The following CACNA1I variants were observed in gnomAD, a reference collection of about 807,000 sequenced individuals.
CACNA1I encodes the protein calcium voltage-gated channel subunit alpha1 I, also known as voltage-dependent T-type calcium channel subunit alpha-1I.
In CACNA1I, 74 loss-of-function variants were observed where a neutral mutation model predicts 201.6. The observed-to-expected ratio is 0.37, with a 90% confidence interval of 0.30 to 0.45. The LOEUF (loss-of-function observed/expected upper bound fraction) is 0.45. CACNA1I is among the 20% of genes least tolerant of loss of function. The pLI, the probability that CACNA1I is intolerant of heterozygous loss-of-function variation, is 1.00. For missense variants in CACNA1I, 2,346 were observed against 3,138.1 expected (o/e 0.75, Z 6.03); for synonymous variants, 1,431 against 1,345.2 (o/e 1.06, Z -1.40).
intron 1 of CACNA1I, among the ~76,000 whole-genome samples, chr22:39,581,376 A>C (rs926287137): frequency 1.3e-5 from 2 of 152,204 alleles, no homozygotes; most frequent in Non-Finnish European, 2.9e-5. Context: ...TTTGGGGTCC[A>C]GATTCTGGAG....
chr22:39,576,674 G>T (rs1365445907), intron 1 of CACNA1I, among the ~76,000 whole-genome samples: 1 of 152,248 alleles, frequency 6.6e-6, no homozygotes, highest in Non-Finnish European at 1.5e-5. Context: ...CAGCCTGCGG[G>T]GAGGCAGGAG....
intron 3 of CACNA1I, among the ~76,000 whole-genome samples, chr22:39,602,582 T>C (rs1444796336): frequency 6.6e-6 from 1 of 152,036 alleles, no homozygotes; most frequent in Non-Finnish European, 1.5e-5. Flanking sequence ...GGTGTTTGGA[T>C]AGTGTCATTT....
At position 39,634,624 on chromosome 22, in the gene CACNA1I, C is replaced by G. The variant is rs766779486; in HGVS notation, c.640C>G (p.Leu214Val). The change falls in exon 5 of 37, where the codon CTG (leucine) becomes GTG (valine). Residue 214 changes from leucine (L) to valine (V), a missense_variant. Physicochemically the swap from Leu to Val is conservative, Grantham distance 32. Transcript: ENST00000402142. ...ACTGCCCATGCTGGGGAATGTCCTG[C>G]TGCTCTGCTTCTTTGTCTTCTTCAT... ...DTLPMLGNVL[L>V]LCFFVFFIFG... 1 of 1,613,850 alleles carries G rather than the reference C, an allele frequency of 6.2e-7. No homozygotes were observed. Among genetic ancestry groups the G allele is most frequent in the African/African-American group, 1.3e-5 (1 of 74,920 alleles).
At chr22:39,591,336 AT>A (rs1319436182) in intron 1 of CACNA1I, among the ~76,000 whole-genome samples, 2 of 144,876 alleles carry the variant, frequency 1.4e-5, no homozygotes, top group Non-Finnish European at 3.0e-5. Flanking sequence ...TAATTTTTGT[AT>A]TTTTAGTAGA....
chr22:39,626,526 G>A (rs1933904694), intron 4 of CACNA1I, among the ~76,000 whole-genome samples: 1 of 152,224 alleles, frequency 6.6e-6, no homozygotes, highest in African/African-American at 2.4e-5. Context: ...GGGTGGGCAG[G>A]GGACTGCGTG....
Position 39,668,279 on chromosome 22 carries a change from C to A in CACNA1I, c.4105-13C>A, listed in dbSNP as rs187850222. 1 of 1,587,208 alleles carries A rather than the reference C, an allele frequency of 6.3e-7. No homozygotes were observed. The highest frequency in any genetic ancestry group is 1.1e-5 in the South Asian group (1 of 90,398). The stretch of plus-strand genomic sequence containing the variant: ...GTCCTCACCCCTGCATTCCGCCTCC[C>A]CATGTCTCCCAGGCTCTGATGTCCC... On this transcript the variant is annotated splice_polypyrimidine_tract_variant and intron_variant, in intron 23 of 36. Transcript: ENST00000402142.
chr22:39,590,410 C>A (rs1168181267), intron 1 of CACNA1I, among the ~76,000 whole-genome samples: 1 of 152,226 alleles, frequency 6.6e-6, no homozygotes, highest in Non-Finnish European at 1.5e-5. Flanking sequence ...CTCTTCCTGA[C>A]CCCACTGCAT....
chr22:39,592,245 G>A (rs188231512), intron 1 of CACNA1I, among the ~76,000 whole-genome samples: 18 of 152,348 alleles, frequency 1.2e-4, no homozygotes, highest in Non-Finnish European at 1.0e-4. Context: ...CCTCAAAGGC[G>A]CTCAGGGCTG....
At position 39,585,814 on chromosome 22, in the gene CACNA1I, TCAGCCTCCC is replaced by T. The variant is rs1259673847; in HGVS notation, c.237-12333_237-12325del. On this transcript the variant is annotated intron_variant, in intron 1 of 36. Transcript: ENST00000402142. ...TCTGGGCTCAAGTGATCCACCAGCC[TCAGCCTCCC>T]CAGTAGCTGGGGCTATAGTGCACCA... 4.0e-5 allele frequency among the ~76,000 whole-genome samples: 5 copies of T among 125,064 alleles called. No homozygotes were observed. In the Admixed American group the frequency reaches 5.1e-4, roughly 13 times the overall value. 82.0% of individuals were successfully genotyped at this position (125,064 alleles called of 152,430 possible). A position where few individuals can be genotyped will look rare whatever the true frequency, so the allele number is the denominator to read the frequency against.
At position 39,684,875 on chromosome 22, in the gene CACNA1I, G is replaced by C. The variant is rs950737776; in HGVS notation, c.6027+377G>C. On this transcript the variant is annotated intron_variant, in intron 36 of 36. Coordinates refer to ENST00000402142, the MANE Select transcript of CACNA1I (RefSeq NM_021096.4). This position sits in a 1 kb window ranked among gnomAD's most constrained non-coding sequence, Gnocchi z 4.6. ...TGGGTGCTCTGGGTGGGTGTGAGTG[G>C]GGGCTTGATTACTAGGAATGGAGGT... is the stretch of plus-strand genomic sequence containing the variant. 1.5e-5 allele frequency: 7 copies of C among 473,800 alleles called. No individual in the cohort carries two copies. Among genetic ancestry groups the C allele is most frequent in the Non-Finnish European group, 2.3e-5 (6 of 264,268 alleles). The allele number at this position is 473,800 out of a possible 1,614,324, so 29.3% of individuals were successfully genotyped here.
Position 39,659,245 on chromosome 22 carries a change from T to C in CACNA1I, c.2330+129T>C, listed in dbSNP as rs136849. 0.57 allele frequency: 666,407 copies of C among 1,163,766 alleles called. 199,598 individuals are homozygous for C. Among genetic ancestry groups the C allele is most frequent in the East Asian group, 0.99 (38,974 of 39,220 alleles). 72.1% of individuals were successfully genotyped at this position (1,163,766 alleles called of 1,614,324 possible). Reference sequence around the variant, plus strand: ...ACCTGGGTGTGAAGCCTGACACTGTTCCTCAGTCCCCTGTGGCTTTCAGCA... The same window carrying C: ...ACCTGGGTGTGAAGCCTGACACTGTCCCTCAGTCCCCTGTGGCTTTCAGCA... On this transcript the variant is annotated intron_variant, in intron 12 of 36. Transcript: ENST00000402142. The surrounding 1 kb of genome is among the most constrained non-coding windows in gnomAD (Gnocchi z 4.3).
rs1935515549 is a variant in CACNA1I, at chr22:39,676,456, G to A, written c.4855-885G>A. On this transcript the variant is annotated intron_variant, in intron 29 of 36. Coordinates refer to ENST00000402142, the MANE Select transcript of CACNA1I (RefSeq NM_021096.4). This position sits in a 1 kb window ranked among gnomAD's most constrained non-coding sequence, Gnocchi z 4.8. ...GTGAACGTTTTCTGAGGGTTCTAAG[G>A]CCTTCTGAGGGTTCTAAGAGATATT... 6.6e-6 allele frequency among the ~76,000 whole-genome samples: 1 copy of A among 152,188 alleles called. No homozygotes were observed. The highest frequency in any genetic ancestry group is 1.9e-4 in the East Asian group (1 of 5,200).
intron 1 of CACNA1I, among the ~76,000 whole-genome samples, chr22:39,572,450 C>A (rs1440367948): frequency 6.6e-6 from 1 of 152,028 alleles, no homozygotes; most frequent in Non-Finnish European, 1.5e-5. Flanking sequence ...TGCAGGACTG[C>A]CAGGCTTCCC....
At position 39,664,129 on chromosome 22, in the gene CACNA1I, G is replaced by A. The variant is rs756734559; in HGVS notation, c.3636G>A (p.Thr1212=). 2.3e-5 allele frequency: 37 copies of A among 1,613,506 alleles called. No individual in the cohort carries two copies. Among genetic ancestry groups the A allele is most frequent in the Non-Finnish European group, 2.9e-5 (34 of 1,179,730 alleles). Reference sequence around the variant, plus strand: ...TCACCGTGTCCAACTACATCTTCACGGCCATCTTCGTGGGCGAGATGACAT... The same window carrying A: ...TCACCGTGTCCAACTACATCTTCACAGCCATCTTCGTGGGCGAGATGACAT... ...IFLTVSNYIF[T]AIFVGEMTLK... Residue 1212 remains threonine, a synonymous_variant, in exon 20 of 37, where the codon ACG becomes ACA. Coordinates refer to ENST00000402142, the MANE Select transcript of CACNA1I (RefSeq NM_021096.4).
chr22:39,661,910 G>T (rs1483038628), intron 16 of CACNA1I, 55 bp from the exon 17 acceptor site: 1 of 1,242,566 alleles, frequency 8.0e-7, no homozygotes, highest in Non-Finnish European at 1.1e-6. Context: ...GGCACCTGGT[G>T]CCCCAGCCGT....
intron 35 of CACNA1I, among the ~76,000 whole-genome samples, chr22:39,683,522 C>A (rs1030401799): frequency 1.3e-5 from 2 of 152,220 alleles, no homozygotes; most frequent in East Asian, 3.8e-4. Flanking sequence ...CGGTGGAATG[C>A]AATCTCATTC....
At chr22:39,575,537 C>T (rs1053337053) in intron 1 of CACNA1I, among the ~76,000 whole-genome samples, 1 of 152,138 alleles carries the variant, frequency 6.6e-6, no homozygotes, top group Non-Finnish European at 1.5e-5. Context: ...TTAGATAGAA[C>T]ATAACACCTT....
At chr22:39,581,408 G>A (rs1462935253) in intron 1 of CACNA1I, among the ~76,000 whole-genome samples, 1 of 152,164 alleles carries the variant, frequency 6.6e-6, no homozygotes, top group Non-Finnish European at 1.5e-5. Context: ...AGACTGCGAG[G>A]GGAGGCACCG....
Position 39,676,665 on chromosome 22 carries a change from C to T in CACNA1I, c.4855-676C>T, listed in dbSNP as rs192763642. Among the ~76,000 whole-genome samples the T allele has an allele frequency of 7.5e-3, 1,147 of 152,308 alleles. 7 individuals are homozygous for T. Among genetic ancestry groups the T allele is most frequent in the Middle Eastern group, 0.02 (6 of 294 alleles). On this transcript the variant is annotated intron_variant, in intron 29 of 36. Transcript: ENST00000402142. This position sits in a 1 kb window ranked among gnomAD's most constrained non-coding sequence, Gnocchi z 4.8. ...CTGGGGCCCACGGGCCTGCGTGATT[C>T]CTGCCTTCCCTCCTCTCTATGGCCA...
Sources: gnomAD v4.1 joint callset for allele counts (sites outside exome capture counted in the v4.1 genomes callset) on GRCh38, gnomAD v4.1.1 for gene constraint, Gnocchi (gnomAD v3.1) non-coding constraint, MANE v1.5 for transcripts, NCBI Gene and HGNC (gene_info 2026-07-23, HGNC 2026-07-21) for gene names.